FAM107B: variants seen among roughly 807,000 people sequenced by gnomAD.
FAM107B encodes the protein family with sequence similarity 107 member B.
FAM107B carries 21 observed loss-of-function variants against 31.5 expected under a neutral mutation model. The observed-to-expected ratio is 0.67, with a 90% CI of 0.47 to 0.96. FAM107B has a LOEUF of 0.96. Ranked by LOEUF, FAM107B falls within the 40% of genes least tolerant of loss-of-function variation. The probability of loss-of-function intolerance (pLI) is 0.00; values close to 1 mark genes in which losing one functional copy is unlikely to be tolerated. For missense variants in FAM107B, 452 were observed against 377.1 expected (o/e 1.20, Z -1.64); for synonymous variants, 157 against 141.5 (o/e 1.11, Z -0.78).
intron 1 of FAM107B, among the ~76,000 whole-genome samples, chr10:14,691,377 G>A (rs1267527529): frequency 1.3e-5 from 2 of 152,220 alleles, no homozygotes; most frequent in African/African-American, 4.8e-5. Context: ...ATGATCAAGT[G>A]CCAGTTCTGC....
chr10:14,675,598 T>C (rs912593549), intron 1 of FAM107B, among the ~76,000 whole-genome samples: 3 of 152,194 alleles, frequency 2.0e-5, no homozygotes, highest in Non-Finnish European at 4.4e-5. Context: ...GACAATTGAA[T>C]TTTAATTTTA....
chr10:14,721,766 T>C (rs903792363), intron 1 of FAM107B, among the ~76,000 whole-genome samples: 11 of 152,232 alleles, frequency 7.2e-5, no homozygotes, highest in African/African-American at 2.4e-5. Flanking sequence ...GATGGGTAGA[T>C]TGCAAAAATT....
At chr10:14,603,721 G>A (rs1428075160) in intron 2 of FAM107B, among the ~76,000 whole-genome samples, 1 of 152,174 alleles carries the variant, frequency 6.6e-6, no homozygotes, top group Non-Finnish European at 1.5e-5. Context: ...AGGCAAAAGA[G>A]GAAAAGTTAC....
intron 1 of FAM107B, among the ~76,000 whole-genome samples, chr10:14,686,204 C>T (rs1332016287): frequency 1.3e-5 from 2 of 152,114 alleles, no homozygotes; most frequent in Admixed American, 6.5e-5. Context: ...GCCTGGCAAA[C>T]ATGGTGAAAC....
Position 14,537,919 on chromosome 10 carries a change from G to A in FAM107B, c.470-7404C>T, listed in dbSNP as rs544178401. 5.3e-5 allele frequency among the ~76,000 whole-genome samples: 8 copies of A among 151,742 alleles called. No individual in the cohort carries two copies. In the South Asian group the frequency reaches 1.0e-3, roughly 20 times the overall value. On this transcript the variant is annotated intron_variant, in intron 2 of 4. Transcript: ENST00000181796. ...TCAATAGACATCACCTGCTATTAGCGCTGTCACTGGCAACGAATAAGAATA... is the reference window on the plus strand; with the variant it reads ...TCAATAGACATCACCTGCTATTAGCACTGTCACTGGCAACGAATAAGAATA...
At chr10:14,536,756 G>A (rs1380074238) in intron 2 of FAM107B, among the ~76,000 whole-genome samples, 8 of 152,130 alleles carry the variant, frequency 5.3e-5, no homozygotes, top group African/African-American at 1.2e-4. Flanking sequence ...GTGCAGAGAC[G>A]TTATTGTTTC....
At chr10:14,534,119 G>C (rs72768906) in intron 2 of FAM107B, among the ~76,000 whole-genome samples, 18,184 of 152,172 alleles carry the variant, frequency 0.12, 1,202 homozygotes, top group Non-Finnish European at 0.16. Flanking sequence ...AACTGGAGCT[G>C]GAAAAGGGGG....
At chr10:14,610,957 C>G (rs141815376) in intron 2 of FAM107B, among the ~76,000 whole-genome samples, 2 of 152,296 alleles carry the variant, frequency 1.3e-5, no homozygotes, top group Admixed American at 1.3e-4. Flanking sequence ...ACTTGCTTTT[C>G]ATTGTTCACA....
chr10:14,614,540 G>GT (rs1852803606), intron 2 of FAM107B, among the ~76,000 whole-genome samples: 1 of 151,844 alleles, frequency 6.6e-6, no homozygotes, highest in Non-Finnish European at 1.5e-5. Context: ...AGGCATGGTG[G>GT]CGCATGCCTG....
chr10:14,615,484 C>T lies in FAM107B; in HGVS notation c.469+52150G>A, dbSNP rs542853914. ...TACTCTAGCCAAGTTTCCTGTGAGG[C>T]ATAAATACACCCACTTCCACCTCCC... On this transcript the variant is annotated intron_variant, in intron 2 of 4. Coordinates refer to ENST00000181796, the MANE Select transcript of FAM107B (RefSeq NM_031453.4). Among the ~76,000 whole-genome samples the T allele has an allele frequency of 4.5e-4, 68 of 152,346 alleles. No homozygotes were observed. The South Asian group carries it at 6.4e-3, about 14-fold the overall frequency.
rs12250920 is a variant in FAM107B at position 14,541,288 on chromosome 10, G to A, written c.470-10773C>T. Reference sequence around the variant, plus strand: ...AATCAGATCAGGGCTACCAAGCCGAGCATCACTGGTCACCTCAGGAGAGGA... The same window carrying A: ...AATCAGATCAGGGCTACCAAGCCGAACATCACTGGTCACCTCAGGAGAGGA... On this transcript the variant is annotated intron_variant, in intron 2 of 4. Coordinates refer to ENST00000181796, the MANE Select transcript of FAM107B (RefSeq NM_031453.4). Among the ~76,000 whole-genome samples, 315 of 152,306 alleles carry A rather than the reference G, an allele frequency of 2.1e-3. 2 individuals are homozygous for A. The highest frequency in any genetic ancestry group is 7.1e-3 in the African/African-American group (294 of 41,576).
chr10:14,552,491 A>C (rs147237702), intron 2 of FAM107B, among the ~76,000 whole-genome samples: 15 of 152,150 alleles, frequency 9.9e-5, no homozygotes, highest in Non-Finnish European at 1.6e-4. Flanking sequence ...AATGAAGTCA[A>C]CGTTTCCAGG....
chr10:14,598,696 T>C (rs115639253), intron 2 of FAM107B, among the ~76,000 whole-genome samples: 2 of 152,178 alleles, frequency 1.3e-5, no homozygotes, highest in African/African-American at 2.4e-5. Flanking sequence ...GTAGATCTCA[T>C]GTTAAGTGCT....
chr10:14,734,470 A>C (rs1406641166), intron 1 of FAM107B, among the ~76,000 whole-genome samples: 4 of 150,448 alleles, frequency 2.7e-5, no homozygotes, highest in Admixed American at 2.6e-4. Context: ...CCTAAACATA[A>C]TGAAATCTTT....
chr10:14,770,926 T>C (rs1196385773), intron 1 of FAM107B, among the ~76,000 whole-genome samples: 1 of 125,674 alleles, frequency 8.0e-6, no homozygotes, highest in East Asian at 2.2e-4. Context: ...TAACTGAAGA[T>C]AGAGAGAGGG....
chr10:14,633,256 G>GA (rs936438602), intron 2 of FAM107B, among the ~76,000 whole-genome samples: 4 of 151,820 alleles, frequency 2.6e-5, no homozygotes, highest in Admixed American at 2.0e-4. Context: ...TGGCCCCTTG[G>GA]AGGGATCATG....
At chr10:14,541,966 A>G (rs1022965897) in intron 2 of FAM107B, among the ~76,000 whole-genome samples, 6 of 152,116 alleles carry the variant, frequency 3.9e-5, no homozygotes, top group Admixed American at 3.9e-4. Flanking sequence ...ATTAAAACGT[A>G]CTGAATGGGC....
At chr10:14,572,272 C>T in intron 2 of FAM107B, 1 of 985,454 alleles carries the variant, frequency 1.0e-6, no homozygotes, top group East Asian at 1.1e-4. Flanking sequence ...GTGAAATGTA[C>T]TTGTCTGTAC....
intron 2 of FAM107B, among the ~76,000 whole-genome samples, chr10:14,645,295 C>A (rs1052088934): frequency 9.9e-5 from 15 of 152,218 alleles, no homozygotes; most frequent in African/African-American, 3.4e-4. Flanking sequence ...GTCTCGCATT[C>A]TCCACTTTAT....
Sources: gnomAD v4.1 joint callset for allele counts (sites outside exome capture counted in the v4.1 genomes callset) on GRCh38, gnomAD v4.1.1 for gene constraint, MANE v1.5 for transcripts, NCBI Gene and HGNC (gene_info 2026-07-23, HGNC 2026-07-21) for gene names.